The following ZRANB3 variants were observed in gnomAD, a reference collection of about 807,000 sequenced individuals.
ZRANB3 encodes DNA annealing helicase and endonuclease ZRANB3.
A neutral mutation model predicts 133.8 loss-of-function variants in ZRANB3; 125 were observed. The observed-to-expected ratio is 0.93, with a 90% CI of 0.81 to 1.08. ZRANB3 has a LOEUF of 1.08. Ranked by LOEUF, ZRANB3 falls within the 50% of genes least tolerant of loss-of-function variation. ZRANB3 has a pLI of 0.00. For synonymous variants in ZRANB3, 387 were observed against 432.7 expected (o/e 0.89, Z 1.31); for missense variants, 1,229 against 1,275.5 (o/e 0.96, Z 0.56).
At chr2:135,238,414 G>A (rs967524834) in intron 12 of ZRANB3, among the ~76,000 whole-genome samples, 6 of 147,590 alleles carry the variant, frequency 4.1e-5, no homozygotes, top group African/African-American at 1.5e-4. Flanking sequence ...TTTTTTTGAG[G>A]CAGAGTTTCA....
rs113099391 is a variant in ZRANB3 at position 135,358,453 on chromosome 2, G to A, written c.181-4825C>T. Among the ~76,000 whole-genome samples, 452 of 152,166 alleles carry A rather than the reference G, an allele frequency of 3.0e-3. 3 individuals are homozygous for A. Among genetic ancestry groups the A allele is most frequent in the African/African-American group, 0.01 (421 of 41,516 alleles). ...TATTCGGTGATGAATTTAGGCAGCT[G>A]AAAAGGAAAAAACAAATTATGGGAG... is the stretch of plus-strand genomic sequence containing the variant. On this transcript the variant is annotated intron_variant, in intron 3 of 20. Coordinates refer to ENST00000264159, the MANE Select transcript of ZRANB3 (RefSeq NM_032143.4).
chr2:135,388,440 A>G (rs1687077391), intron 3 of ZRANB3, among the ~76,000 whole-genome samples: 1 of 152,130 alleles, frequency 6.6e-6, no homozygotes, highest in African/African-American at 2.4e-5. Flanking sequence ...CATCAAAATG[A>G]GGACCAAAGT....
At chr2:135,207,285 G>A in intron 19 of ZRANB3, 149 bp downstream of exon 19, 2 of 856,046 alleles carry the variant, frequency 2.3e-6, no homozygotes, top group Non-Finnish European at 3.3e-6. Context: ...GCTGTAAACT[G>A]TTAAAGCTGG....
intron 2 of ZRANB3, among the ~76,000 whole-genome samples, chr2:135,405,160 G>T (rs1687948880): frequency 6.6e-6 from 1 of 152,058 alleles, no homozygotes; most frequent in Admixed American, 6.6e-5. Context: ...AAAAGGCAGG[G>T]GTTGCAATCC....
At chr2:135,437,077 C>T (rs1195572900) in intron 2 of ZRANB3, among the ~76,000 whole-genome samples, 11 of 152,170 alleles carry the variant, frequency 7.2e-5, no homozygotes, top group South Asian at 2.1e-4. Flanking sequence ...CTCCTGCCTC[C>T]GCTTCCTAAG....
At chr2:135,502,741 C>T (rs1026778713) in intron 2 of ZRANB3, among the ~76,000 whole-genome samples, 1 of 152,086 alleles carries the variant, frequency 6.6e-6, no homozygotes, top group Non-Finnish European at 1.5e-5. Flanking sequence ...ATCTGAGGAC[C>T]GTTAACACTG....
At chr2:135,515,431 A>C (rs1693657918) in intron 1 of ZRANB3, among the ~76,000 whole-genome samples, 1 of 152,040 alleles carries the variant, frequency 6.6e-6, no homozygotes, top group Admixed American at 6.6e-5. Context: ...AGTGCTACAA[A>C]TTTCCCTCTA....
chr2:135,334,294 G>A (rs1684276838), intron 6 of ZRANB3, among the ~76,000 whole-genome samples: 1 of 152,150 alleles, frequency 6.6e-6, no homozygotes, highest in African/African-American at 2.4e-5. Flanking sequence ...TTAGCCTAAG[G>A]TTATTCAAAA....
intron 12 of ZRANB3, among the ~76,000 whole-genome samples, chr2:135,238,594 C>G (rs1417464450): frequency 6.6e-6 from 1 of 152,068 alleles, no homozygotes; most frequent in African/African-American, 2.4e-5. Context: ...GAACTCCTGA[C>G]CTGAGGTGAT....
At chr2:135,474,567 A>G (rs992701537) in intron 2 of ZRANB3, among the ~76,000 whole-genome samples, 1 of 152,108 alleles carries the variant, frequency 6.6e-6, no homozygotes, top group African/African-American at 2.4e-5. Flanking sequence ...TCACCATATG[A>G]CATGCCTGCT....
chr2:135,335,583 T>C (rs188425196), intron 6 of ZRANB3, among the ~76,000 whole-genome samples: 1 of 151,988 alleles, frequency 6.6e-6, no homozygotes, highest in Non-Finnish European at 1.5e-5. Context: ...GTCCCACCTA[T>C]TTGCGAGGCT....
In ZRANB3 at chr2:135,261,379, GCACACC is replaced by G. The variant is rs1384225259; in HGVS notation, c.1539+4149_1539+4154del. ...AGGGTATAGACAGAGTGGTGAGAGGGCACACCCACCTAAAGTCAATCAAAGCACACT... is the reference window on the plus strand; with the variant it reads ...AGGGTATAGACAGAGTGGTGAGAGGGCACCTAAAGTCAATCAAAGCACACT... On this transcript the variant is annotated intron_variant, in intron 12 of 20. Coordinates refer to ENST00000264159, the MANE Select transcript of ZRANB3 (RefSeq NM_032143.4). 2.0e-5 allele frequency among the ~76,000 whole-genome samples: 3 copies of G among 152,156 alleles called. No homozygotes were observed. The East Asian group carries it at 5.8e-4, about 29-fold the overall frequency.
rs1458779875 is a variant in ZRANB3, at chr2:135,345,595, C to G, written c.632G>C (p.Gly211Ala). Residue 211 changes from glycine to alanine, a missense_variant, in exon 6 of 21, where the codon GGA (glycine) becomes GCA (alanine). Gly to Ala is a moderately conservative substitution (Grantham distance 60). Transcript: ENST00000264159. ...TCTTTTTGCATAGTCGGTCCATCTTCCAAATTTTTGTGGAAAGAGAGCTTC... is the reference window on the plus strand; with the variant it reads ...TCTTTTTGCATAGTCGGTCCATCTTGCAAATTTTTGTGGAAAGAGAGCTTC... Reference protein sequence around the residue: ...QIEALFPQKFGRWTDYAKRYC... With the variant: ...QIEALFPQKFARWTDYAKRYC... 1 of 1,612,726 alleles carries G rather than the reference C, an allele frequency of 6.2e-7. No individual in the cohort carries two copies. Among genetic ancestry groups the G allele is most frequent in the Non-Finnish European group, 8.5e-7 (1 of 1,179,392 alleles).
intron 5 of ZRANB3, among the ~76,000 whole-genome samples, chr2:135,348,524 T>A (rs1685050406): frequency 6.6e-6 from 1 of 152,158 alleles, no homozygotes; most frequent in Admixed American, 6.5e-5. Context: ...AATGTTCTAT[T>A]TCTTATGCTC....
chr2:135,404,672 A>G (rs963221066), intron 2 of ZRANB3, among the ~76,000 whole-genome samples: 1 of 152,208 alleles, frequency 6.6e-6, no homozygotes, highest in East Asian at 1.9e-4. Context: ...AGTTGAAATG[A>G]AGGAAAAAAT....
chr2:135,308,413 A>T (rs1682803783), intron 8 of ZRANB3, among the ~76,000 whole-genome samples: 1 of 152,114 alleles, frequency 6.6e-6, no homozygotes, highest in Admixed American at 6.6e-5. Context: ...AGGGGTATTG[A>T]AAATAGGCAG....
intron 6 of ZRANB3, among the ~76,000 whole-genome samples, chr2:135,319,233 A>G (rs1276374412): frequency 6.6e-6 from 1 of 152,216 alleles, no homozygotes; most frequent in Non-Finnish European, 1.5e-5. Flanking sequence ...CACAAGTTAC[A>G]CAAAACAAAA....
At chr2:135,355,360 CTTTT>C in intron 3 of ZRANB3, 100 of 372,894 alleles carry the variant, frequency 2.7e-4, no homozygotes, top group Non-Finnish European at 3.4e-4. Context: ...AATCACAGAT[CTTTT>C]TTTTTTTTTT....
chr2:135,457,917 G>A (rs1690599520), intron 2 of ZRANB3, among the ~76,000 whole-genome samples: 1 of 152,070 alleles, frequency 6.6e-6, no homozygotes, highest in East Asian at 1.9e-4. Flanking sequence ...TTAATTTAAT[G>A]AAATTCAGTT....
Sources: gnomAD v4.1 joint callset for allele counts (sites outside exome capture counted in the v4.1 genomes callset) on GRCh38, gnomAD v4.1.1 for gene constraint, MANE v1.5 for transcripts, NCBI Gene and HGNC (gene_info 2026-07-23, HGNC 2026-07-21) for gene names.